Variants in NME7 observed in about 807,000 individuals in gnomAD.
The protein encoded by NME7 is nucleoside diphosphate kinase 7.
NME7 carries 41 observed loss-of-function variants against 49.1 expected under a neutral mutation model. The ratio of observed to expected loss-of-function variants is 0.83; its 90% CI spans 0.65 to 1.08. The LOEUF (loss-of-function observed/expected upper bound fraction) is 1.08. Ranked by LOEUF, NME7 falls within the 50% of genes least tolerant of loss-of-function variation. The pLI is 0.00. For missense variants in NME7, 423 were observed against 463.4 expected (o/e 0.91, Z 0.80); for synonymous variants, 139 against 150.6 (o/e 0.92, Z 0.56).
At chr1:169,237,599 T>C (rs758087941) in intron 8 of NME7, 24 bp downstream of exon 8, 23 of 1,563,002 alleles carry the variant, frequency 1.5e-5, no homozygotes, top group Non-Finnish European at 1.9e-5. Flanking sequence ...TCACAAATAT[T>C]ATGGTTCATT....
chr1:169,321,002 A>T (rs766095541), intron 3 of NME7, among the ~76,000 whole-genome samples: 1 of 152,222 alleles, frequency 6.6e-6, no homozygotes, highest in Non-Finnish European at 1.5e-5. Context: ...CCCATTCTAT[A>T]AAATAGATTT....
At chr1:169,222,324 C>T (rs1661169571) in intron 10 of NME7, among the ~76,000 whole-genome samples, 1 of 152,044 alleles carries the variant, frequency 6.6e-6, no homozygotes, top group Admixed American at 6.6e-5. Flanking sequence ...TCCTTGGTGC[C>T]TAGAATACTG....
At position 169,351,663 on chromosome 1, in the gene NME7, C is replaced by A. The variant is rs1653177305; in HGVS notation, c.3+16045G>T. 2.0e-5 allele frequency among the ~76,000 whole-genome samples: 3 copies of A among 151,066 alleles called. No homozygotes were observed. The South Asian group carries it at 6.3e-4, about 32-fold the overall frequency. On this transcript the variant is annotated intron_variant, in intron 1 of 11. Transcript: ENST00000367811. ...AGTTGGTTCCTTGAAAAGATAAACA[C>A]AATTGATAATCCTTTAGTCAGAGTA...
intron 10 of NME7, among the ~76,000 whole-genome samples, chr1:169,207,345 C>T (rs1013130839): frequency 6.6e-6 from 1 of 152,116 alleles, no homozygotes; most frequent in Non-Finnish European, 1.5e-5. Context: ...CTAGGCCCTA[C>T]CTCCAATGCT....
chr1:169,330,478 G>C (rs1255534790), intron 1 of NME7, among the ~76,000 whole-genome samples: 1 of 152,078 alleles, frequency 6.6e-6, no homozygotes, highest in Admixed American at 6.6e-5. Context: ...AGGAGTTCAA[G>C]ACCAGCCTGG....
At chr1:169,193,599 C>T (rs1660293816) in intron 10 of NME7, among the ~76,000 whole-genome samples, 1 of 152,186 alleles carries the variant, frequency 6.6e-6, no homozygotes, top group Non-Finnish European at 1.5e-5. Context: ...ACATTTGAAA[C>T]TGACAAGCAG....
chr1:169,309,834 T>C, intron 4 of NME7, 136 bp downstream of exon 4: 2 of 563,580 alleles, frequency 3.5e-6, no homozygotes, highest in Admixed American at 3.7e-5. Flanking sequence ...TCAGTTCCCA[T>C]TTTGGTTAAG....
At chr1:169,302,534 A>G (rs763156392) in intron 5 of NME7, among the ~76,000 whole-genome samples, 6 of 152,328 alleles carry the variant, frequency 3.9e-5, no homozygotes, top group East Asian at 3.9e-4. Flanking sequence ...GTTCTTACTT[A>G]TAAGTGGGAA....
At chr1:169,283,409 T>G (rs1381360066) in intron 7 of NME7, among the ~76,000 whole-genome samples, 1 of 152,192 alleles carries the variant, frequency 6.6e-6, no homozygotes, top group African/African-American at 2.4e-5. Context: ...AATTTGCCAG[T>G]CTATGTCTTT....
chr1:169,225,733 C>G (rs192060506), intron 10 of NME7, among the ~76,000 whole-genome samples: 48 of 152,232 alleles, frequency 3.2e-4, no homozygotes, highest in Non-Finnish European at 5.0e-4. Flanking sequence ...TCTTTGGACA[C>G]CACTTCTAGA....
chr1:169,298,647 G>A lies in NME7; in HGVS notation c.557C>T (p.Thr186Ile), dbSNP rs543896500. The change falls in exon 6 of 12, where the codon ACA (threonine) becomes ATA (isoleucine). Residue 186 changes from threonine to isoleucine, a missense_variant. Thr to Ile is a moderately conservative substitution (Grantham distance 89, BLOSUM62 -1). Coordinates refer to ENST00000367811, the MANE Select transcript of NME7 (RefSeq NM_013330.5). The part of the protein sequence containing the change: ...LGPANSGVAR[T>I]DASESIRALF... ...GGCTCTAATGCTTTCAGAAGCATCT[G>A]TGCGTGCCACTCCAGAGTTTGCAGG... The A allele has an allele frequency of 1.2e-6, 2 of 1,613,960 alleles. No homozygotes were observed. The highest frequency in any genetic ancestry group is 2.2e-5 in the South Asian group (2 of 91,090).
intron 11 of NME7, among the ~76,000 whole-genome samples, chr1:169,133,131 G>A (rs772811563): frequency 1.1e-4 from 16 of 152,128 alleles, no homozygotes; most frequent in African/African-American, 3.6e-4. Flanking sequence ...AAAAAATGAG[G>A]TTAGGTTTGT....
chr1:169,148,039 G>T (rs1324257390), intron 11 of NME7, among the ~76,000 whole-genome samples: 4 of 151,436 alleles, frequency 2.6e-5, no homozygotes, highest in Non-Finnish European at 5.9e-5. Flanking sequence ...GTCTCGCTCT[G>T]TTGCCCAGGC....
intron 10 of NME7, among the ~76,000 whole-genome samples, chr1:169,192,453 T>C (rs557942503): frequency 1.5e-4 from 23 of 152,188 alleles, no homozygotes; most frequent in African/African-American, 5.5e-4. Flanking sequence ...TAGGTATAAG[T>C]AAACTAGAGA....
intron 3 of NME7, among the ~76,000 whole-genome samples, chr1:169,315,672 T>C (rs1266845238): frequency 6.6e-6 from 1 of 152,174 alleles, no homozygotes; most frequent in Non-Finnish European, 1.5e-5. Flanking sequence ...ATATGTCCTC[T>C]AGACACATGC....
chr1:169,253,347 G>C (rs1311314602), intron 7 of NME7, among the ~76,000 whole-genome samples: 1 of 150,750 alleles, frequency 6.6e-6, no homozygotes, highest in East Asian at 1.9e-4. Context: ...GTTCACTCAT[G>C]ATTTGGCTCT....
intron 10 of NME7, among the ~76,000 whole-genome samples, chr1:169,183,592 G>A (rs1409850464): frequency 6.6e-6 from 1 of 152,146 alleles, no homozygotes; most frequent in Non-Finnish European, 1.5e-5. Context: ...ACGAGGTCAG[G>A]AGATTGAGAC....
chr1:169,326,999 T>C (rs895222633), intron 1 of NME7, among the ~76,000 whole-genome samples: 4 of 152,242 alleles, frequency 2.6e-5, no homozygotes, highest in African/African-American at 9.6e-5. Flanking sequence ...CTTCACTTTA[T>C]GGATAAAGAA....
intron 7 of NME7, among the ~76,000 whole-genome samples, chr1:169,271,736 G>A (rs1331999393): frequency 7.5e-6 from 1 of 132,512 alleles, no homozygotes; most frequent in African/African-American, 2.5e-5. Flanking sequence ...TCTCTTATCA[G>A]CAACTCCTTT....
Sources: allele counts gnomAD v4.1 joint callset (sites outside exome capture counted in the v4.1 genomes callset), GRCh38; gene constraint gnomAD v4.1.1; transcripts MANE v1.5; gene names NCBI Gene and HGNC (gene_info 2026-07-23, HGNC 2026-07-21).